The following TTC39B variants were observed in gnomAD, a reference collection of about 807,000 sequenced individuals.
TTC39B encodes tetratricopeptide repeat domain 39B, also known as tetratricopeptide repeat protein 39B.
A neutral mutation model predicts 96.6 loss-of-function variants in TTC39B; 92 were observed. That is an observed-to-expected ratio of 0.95 (90% CI 0.80 to 1.13). The LOEUF is 1.13. TTC39B is among the 50% of genes most tolerant of loss of function. The pLI is 0.00. For missense variants in TTC39B, 955 were observed against 809.3 expected, an observed-to-expected ratio of 1.18 and a Z score of -2.18; for synonymous variants, 367 against 299.4, an observed-to-expected ratio of 1.23 and a Z score of -2.33.
At chr9:15,280,478 G>A (rs56166012) in intron 1 of TTC39B, among the ~76,000 whole-genome samples, 1 of 152,232 alleles carries the variant, frequency 6.6e-6, no homozygotes, top group Non-Finnish European at 1.5e-5. Context: ...GCAAATACGA[G>A]AAATTATTTA....
At chr9:15,217,909 T>A (rs1820611767) in intron 3 of TTC39B, among the ~76,000 whole-genome samples, 1 of 152,002 alleles carries the variant, frequency 6.6e-6, no homozygotes, top group Non-Finnish European at 1.5e-5. Context: ...AGCAAGGCAA[T>A]TTAAAAACAG....
chr9:15,209,216 G>A (rs1820047314), intron 6 of TTC39B, among the ~76,000 whole-genome samples: 1 of 151,084 alleles, frequency 6.6e-6, no homozygotes, highest in South Asian at 2.1e-4. Context: ...GTAAACTATT[G>A]TGGACTAGAG....
At chr9:15,197,566 T>A (rs2131291530) in intron 8 of TTC39B, among the ~76,000 whole-genome samples, 1 of 152,218 alleles carries the variant, frequency 6.6e-6, no homozygotes, top group South Asian at 2.1e-4. Flanking sequence ...TAAAACATAT[T>A]TTTACACAGT....
At chr9:15,251,666 C>T (rs1182429871) in intron 2 of TTC39B, among the ~76,000 whole-genome samples, 2 of 97,510 alleles carry the variant, frequency 2.1e-5, no homozygotes, top group African/African-American at 4.2e-5. Context: ...TATATACGCG[C>T]ATACACACAC....
In TTC39B at chr9:15,254,814, C is replaced by T. The variant is rs146417475; in HGVS notation, c.275+13100G>A. 7.7e-3 allele frequency among the ~76,000 whole-genome samples: 1,161 copies of T among 149,960 alleles called. 14 individuals are homozygous for T. Among genetic ancestry groups the T allele is most frequent in the African/African-American group, 0.027 (1,104 of 40,628 alleles). The stretch of plus-strand genomic sequence containing the variant: ...TCCCTTAAGCCAATGGGAGATCTGA[C>T]ACACATAACTTTATACACACACACA... On this transcript the variant is annotated intron_variant, in intron 2 of 19. Coordinates refer to ENST00000512701, the Ensembl canonical transcript of TTC39B.
chr9:15,234,926 A>T (rs371243437), intron 2 of TTC39B, among the ~76,000 whole-genome samples: 1 of 151,774 alleles, frequency 6.6e-6, no homozygotes, highest in South Asian at 2.1e-4. Context: ...TAGGAAAACC[A>T]GAGACCTTTG....
chr9:15,286,782 C>T (rs1240154157), intron 1 of TTC39B, among the ~76,000 whole-genome samples: 2 of 152,200 alleles, frequency 1.3e-5, no homozygotes, highest in African/African-American at 4.8e-5. Flanking sequence ...CCATCTCCCT[C>T]ATTTAGCTAT....
exon 20 of TTC39B, chr9:15,167,024 A>AT (rs1564299983): frequency 3.4e-4 from 4 of 11,624 alleles, no homozygotes; most frequent in African/African-American, 3.3e-4. Flanking sequence ...ATATATATAT[A>AT]TATATTTTTT....
At chr9:15,234,527 T>C (rs980886260) in intron 2 of TTC39B, among the ~76,000 whole-genome samples, 3 of 150,578 alleles carry the variant, frequency 2.0e-5, no homozygotes, top group African/African-American at 7.4e-5. Context: ...GTCTGGGAGG[T>C]GTACCCAACA....
At chr9:15,179,395 A>C (rs1295909668) in intron 17 of TTC39B, among the ~76,000 whole-genome samples, 3 of 152,188 alleles carry the variant, frequency 2.0e-5, no homozygotes, top group African/African-American at 7.2e-5. Context: ...AAACCACTTG[A>C]CTATGGAGAT....
At chr9:15,200,994 TCTC>T (rs1819505714) in intron 7 of TTC39B, among the ~76,000 whole-genome samples, 1 of 152,248 alleles carries the variant, frequency 6.6e-6, no homozygotes, top group African/African-American at 2.4e-5. Context: ...CGAGACTCCA[TCTC>T]AAAACAATAA....
At chr9:15,235,781 A>C (rs1183773188) in intron 2 of TTC39B, among the ~76,000 whole-genome samples, 1 of 152,244 alleles carries the variant, frequency 6.6e-6, no homozygotes, top group Non-Finnish European at 1.5e-5. Context: ...ATCTGTCACC[A>C]CAAGACCTAT....
At chr9:15,237,891 A>G (rs1228314541) in intron 2 of TTC39B, among the ~76,000 whole-genome samples, 1 of 152,216 alleles carries the variant, frequency 6.6e-6, no homozygotes, top group East Asian at 1.9e-4. Flanking sequence ...ATCCTCCACA[A>G]AATACTAGCA....
chr9:15,298,068 C>G (rs562341308), intron 1 of TTC39B, among the ~76,000 whole-genome samples: 1 of 152,172 alleles, frequency 6.6e-6, no homozygotes, highest in African/African-American at 2.4e-5. Flanking sequence ...CCAGATAGAA[C>G]AAGAAGACAG....
chr9:15,185,027 T>C (rs998910960), intron 16 of TTC39B, among the ~76,000 whole-genome samples: 1 of 152,178 alleles, frequency 6.6e-6, no homozygotes, highest in South Asian at 2.1e-4. Context: ...TTAACTATAC[T>C]CAAAAAGTTA....
intron 1 of TTC39B, among the ~76,000 whole-genome samples, chr9:15,293,049 A>T (rs957305353): frequency 2.0e-5 from 3 of 152,234 alleles, no homozygotes; most frequent in Non-Finnish European, 4.4e-5. Flanking sequence ...CCAGTCCTGC[A>T]AGCTCCATTC....
At chr9:15,261,185 A>G (rs145663424) in intron 2 of TTC39B, among the ~76,000 whole-genome samples, 1 of 152,308 alleles carries the variant, frequency 6.6e-6, no homozygotes, top group Non-Finnish European at 1.5e-5. Context: ...GAGGTTAATC[A>G]AAAATACCAC....
intron 1 of TTC39B, among the ~76,000 whole-genome samples, chr9:15,273,061 G>A (rs980576784): frequency 2.0e-5 from 3 of 152,110 alleles, no homozygotes; most frequent in Non-Finnish European, 1.5e-5. Flanking sequence ...ATCTTAACTC[G>A]CTAGCTTTGT....
At chr9:15,273,635 T>C (rs1823435295) in intron 1 of TTC39B, among the ~76,000 whole-genome samples, 1 of 144,522 alleles carries the variant, frequency 6.9e-6, no homozygotes, top group South Asian at 2.1e-4. Flanking sequence ...GGCTTGCAGA[T>C]ACCTTCCTCC....
Sources: allele counts gnomAD v4.1 joint callset (sites outside exome capture counted in the v4.1 genomes callset), GRCh38; gene constraint gnomAD v4.1.1; transcripts MANE v1.5; gene names NCBI Gene and HGNC (gene_info 2026-07-23, HGNC 2026-07-21).